GRM1: variants seen among roughly 807,000 people sequenced by gnomAD.
The protein encoded by GRM1 is glutamate metabotropic receptor 1, also known as metabotropic glutamate receptor 1.
GRM1 carries 33 observed loss-of-function variants against 90.9 expected under a neutral mutation model. The ratio of observed to expected loss-of-function variants is 0.36; its 90% CI spans 0.28 to 0.49. The LOEUF (loss-of-function observed/expected upper bound fraction) is 0.49, where lower values mean the gene tolerates loss of function less well. GRM1 is among the 20% of genes least tolerant of loss of function. The probability of loss-of-function intolerance (pLI) is 0.99; values close to 1 mark genes in which losing one functional copy is unlikely to be tolerated. For missense variants in GRM1, 1,190 were observed against 1,534.3 expected, an observed-to-expected ratio of 0.78 and a Z score of 3.75; for synonymous variants, 700 against 613.2, an observed-to-expected ratio of 1.14 and a Z score of -2.09.
chr6:146,345,427 C>T (rs1785149528), intron 3 of GRM1, among the ~76,000 whole-genome samples: 1 of 152,164 alleles, frequency 6.6e-6, no homozygotes, highest in Admixed American at 6.5e-5. Flanking sequence ...AGCAAGACCT[C>T]ATATTGGTTA....
chr6:146,262,893 T>G (rs545520625), intron 2 of GRM1, among the ~76,000 whole-genome samples: 131 of 151,994 alleles, frequency 8.6e-4, no homozygotes, highest in Non-Finnish European at 1.7e-3. Context: ...CAAAGGCAAA[T>G]TAAATAAACG....
intron 2 of GRM1, among the ~76,000 whole-genome samples, chr6:146,268,206 TGACACACATTTTTTA>T (rs1483005817): frequency 2.6e-5 from 4 of 152,324 alleles, no homozygotes; most frequent in Non-Finnish European, 5.9e-5. Context: ...TGTAAGTAAT[TGACACACATTTTTTA>T]AAATGACTGA....
chr6:146,079,415 G>A (rs1776290334), intron 1 of GRM1, among the ~76,000 whole-genome samples: 1 of 152,150 alleles, frequency 6.6e-6, no homozygotes, highest in South Asian at 2.1e-4. Flanking sequence ...GGGGTACTCT[G>A]CCAAAGAAGG....
At chr6:146,083,287 G>C (rs1469602013) in intron 1 of GRM1, among the ~76,000 whole-genome samples, 1 of 152,162 alleles carries the variant, frequency 6.6e-6, no homozygotes, top group Non-Finnish European at 1.5e-5. Context: ...GGAGTGGTGA[G>C]AGAGAGCATC....
chr6:146,214,604 G>A (rs527822486), intron 2 of GRM1, among the ~76,000 whole-genome samples: 7 of 152,284 alleles, frequency 4.6e-5, no homozygotes, highest in African/African-American at 1.4e-4. Flanking sequence ...GTAGGTCAGA[G>A]AACTCATAAT....
At chr6:146,308,257 A>G (rs1783649517) in intron 3 of GRM1, among the ~76,000 whole-genome samples, 1 of 152,196 alleles carries the variant, frequency 6.6e-6, no homozygotes, top group Non-Finnish European at 1.5e-5. Flanking sequence ...GCATGACCTC[A>G]CTTAACCTCA....
At chr6:146,189,306 C>T (rs1048655843) in intron 2 of GRM1, among the ~76,000 whole-genome samples, 31 of 152,174 alleles carry the variant, frequency 2.0e-4, no homozygotes, top group Admixed American at 9.8e-4. Context: ...CTTTCTGTGG[C>T]ATTCCCACCA....
At chr6:146,161,770 C>T (rs974856777) in intron 2 of GRM1, among the ~76,000 whole-genome samples, 10 of 152,130 alleles carry the variant, frequency 6.6e-5, no homozygotes, top group Non-Finnish European at 1.2e-4. Context: ...ATGGTGTTGG[C>T]GTTTAATCTC....
intron 7 of GRM1, among the ~76,000 whole-genome samples, chr6:146,409,005 G>A (rs1777460882): frequency 6.6e-6 from 1 of 152,112 alleles, no homozygotes; most frequent in Non-Finnish European, 1.5e-5. Context: ...AGCCTAAAGG[G>A]TCATTAATTA....
chr6:146,138,350 AT>A (rs1268745967), intron 1 of GRM1, among the ~76,000 whole-genome samples: 2 of 151,660 alleles, frequency 1.3e-5, no homozygotes, highest in South Asian at 2.1e-4. Context: ...AGTTTTTGAG[AT>A]TTTTTTATTA....
rs757559798 is a variant in GRM1 at position 146,357,581 on chromosome 6, G to A, written c.1489G>A (p.Val497Ile). ...AGCTAATCGCTATGACTATGTGCAC[G>A]TTGGAACCTGGCATGAAGGAGTGCT... is the stretch of plus-strand genomic sequence containing the variant. ...TEANRYDYVH[V>I]GTWHEGVLNI... is the part of the protein sequence containing the mutation. Residue 497 changes from valine (V) to isoleucine (I), a missense_variant, in exon 5 of 8, where the codon GTT becomes ATT. Transcript: ENST00000282753. 16 of 1,613,656 alleles carry A rather than the reference G, an allele frequency of 9.9e-6. No individual in the cohort carries two copies. Among genetic ancestry groups the A allele is most frequent in the Admixed American group, 3.3e-5 (2 of 60,020 alleles).
intron 5 of GRM1, among the ~76,000 whole-genome samples, chr6:146,369,555 T>C (rs1473309299): frequency 6.6e-6 from 1 of 152,022 alleles, no homozygotes; most frequent in East Asian, 1.9e-4. Flanking sequence ...TTAAATTTTC[T>C]TCTTAATTTA....
At chr6:146,270,800 TA>T (rs1782086608) in intron 2 of GRM1, among the ~76,000 whole-genome samples, 1 of 152,142 alleles carries the variant, frequency 6.6e-6, no homozygotes, top group South Asian at 2.1e-4. Flanking sequence ...TTGTACCCAC[TA>T]AAGATTTTCT....
chr6:146,314,633 A>G (rs1783903563), intron 3 of GRM1, among the ~76,000 whole-genome samples: 1 of 152,162 alleles, frequency 6.6e-6, no homozygotes. Context: ...ATGATTGGGA[A>G]AATAGCATCA....
intron 2 of GRM1, among the ~76,000 whole-genome samples, chr6:146,164,406 C>A (rs1242485162): frequency 6.6e-6 from 1 of 152,088 alleles, no homozygotes; most frequent in East Asian, 1.9e-4. Context: ...TCATGCCTAG[C>A]ACAGTGTTTT....
At chr6:146,339,945 C>T (rs1254516815) in intron 3 of GRM1, among the ~76,000 whole-genome samples, 1 of 152,194 alleles carries the variant, frequency 6.6e-6, no homozygotes, top group Non-Finnish European at 1.5e-5. Context: ...ACAAAATAGG[C>T]TTTTCCTCCT....
chr6:146,141,728 T>G (rs1776886950), intron 1 of GRM1, among the ~76,000 whole-genome samples: 1 of 152,188 alleles, frequency 6.6e-6, no homozygotes, highest in African/African-American at 2.4e-5. Context: ...TTCTGCTTGA[T>G]TCTTTTTAAT....
intron 1 of GRM1, among the ~76,000 whole-genome samples, chr6:146,056,149 T>C (rs1435394034): frequency 6.6e-6 from 1 of 152,160 alleles, no homozygotes; most frequent in African/African-American, 2.4e-5. Context: ...TATCTTTCTA[T>C]ATAATTAGCT....
At chr6:146,300,568 C>T (rs766446642) in intron 2 of GRM1, among the ~76,000 whole-genome samples, 3 of 152,184 alleles carry the variant, frequency 2.0e-5, no homozygotes, top group Non-Finnish European at 2.9e-5. Flanking sequence ...ATACTTAAGA[C>T]ATACAGCTTT....
Sources: allele counts gnomAD v4.1 joint callset (sites outside exome capture counted in the v4.1 genomes callset), GRCh38; gene constraint gnomAD v4.1.1; transcripts MANE v1.5; gene names NCBI Gene and HGNC (gene_info 2026-07-23, HGNC 2026-07-21).